TASP1: variants seen among roughly 807,000 people sequenced by gnomAD.
TASP1 encodes the protein taspase 1.
TASP1 carries 16 observed loss-of-function variants against 56.6 expected under a neutral mutation model. That is an observed-to-expected ratio of 0.28 (90% CI 0.19 to 0.43). The LOEUF is 0.43. Among genes scored for constraint, TASP1 ranks in the 20% least tolerant of loss-of-function variants. The pLI, the probability that TASP1 is intolerant of heterozygous loss-of-function variation, is 1.00. For synonymous variants in TASP1, 179 were observed against 184.2 expected (o/e 0.97, Z 0.23); for missense variants, 393 against 511.6 (o/e 0.77, Z 2.24).
chr20:13,187,945 A>G, the TASP1 span, among the ~76,000 whole-genome samples: 1 of 151,780 alleles, frequency 6.6e-6, no homozygotes, highest in Non-Finnish European at 1.5e-5. Flanking sequence ...GTATATACAT[A>G]TATATATATG....
the TASP1 span, among the ~76,000 whole-genome samples, chr20:13,211,099 A>G: frequency 6.1e-4 from 93 of 152,286 alleles, 1 homozygote; most frequent in East Asian, 0.016. Flanking sequence ...TTGAGATAAC[A>G]GAAGTACTGA....
At chr20:13,633,214 A>G (rs2049163279) in intron 1 of TASP1, among the ~76,000 whole-genome samples, 1 of 152,182 alleles carries the variant, frequency 6.6e-6, no homozygotes, top group East Asian at 1.9e-4. Context: ...TAAGTAAAAA[A>G]GGAATGGAAA....
intron 10 of TASP1, among the ~76,000 whole-genome samples, chr20:13,502,952 A>T (rs547028593): frequency 6.6e-6 from 1 of 152,248 alleles, no homozygotes; most frequent in Admixed American, 6.5e-5. Context: ...TCAGTGCCAA[A>T]AGAGATACCC....
intron 10 of TASP1, among the ~76,000 whole-genome samples, chr20:13,510,573 A>G (rs1339898509): frequency 6.6e-6 from 1 of 152,176 alleles, no homozygotes; most frequent in East Asian, 1.9e-4. Flanking sequence ...AAATTACATG[A>G]TTTTTTTAAC....
chr20:13,214,552 C>G, the TASP1 span, among the ~76,000 whole-genome samples: 5,411 of 101,078 alleles, frequency 0.054, 147 homozygotes, highest in African/African-American at 0.076. Context: ...CACACACACA[C>G]ACACACACAC....
chr20:13,281,167 C>A, the TASP1 span, among the ~76,000 whole-genome samples: 2 of 152,232 alleles, frequency 1.3e-5, no homozygotes, highest in Non-Finnish European at 2.9e-5. Flanking sequence ...GTGTCCAGCA[C>A]TATGCTGGGT....
At chr20:13,431,519 T>C (rs367799562) in intron 12 of TASP1, among the ~76,000 whole-genome samples, 117 of 152,240 alleles carry the variant, frequency 7.7e-4, no homozygotes, top group Middle Eastern at 6.8e-3. Context: ...CAATCCCTGA[T>C]CAAACTATAG....
intron 2 of TASP1, among the ~76,000 whole-genome samples, chr20:13,626,587 G>A (rs963661838): frequency 4.6e-5 from 7 of 152,120 alleles, no homozygotes; most frequent in East Asian, 1.9e-4. Context: ...CGAAACTGTC[G>A]TACAAGGAGC....
At chr20:13,513,556 AACATGC>A (rs1199487640) in intron 10 of TASP1, among the ~76,000 whole-genome samples, 1 of 152,132 alleles carries the variant, frequency 6.6e-6, no homozygotes, top group Non-Finnish European at 1.5e-5. Flanking sequence ...CAAAAAGAGA[AACATGC>A]ACTCCTCAAG....
chr20:13,588,317 A>AGGG (rs1568618436), intron 4 of TASP1, among the ~76,000 whole-genome samples: 2 of 113,718 alleles, frequency 1.8e-5, no homozygotes, highest in African/African-American at 5.9e-5. Flanking sequence ...AAGAGAAAGA[A>AGGG]AAGGAAGGAA....
At chr20:13,373,029 A>G in the TASP1 span, among the ~76,000 whole-genome samples, 1 of 152,096 alleles carries the variant, frequency 6.6e-6, no homozygotes, top group African/African-American at 2.4e-5. Flanking sequence ...TTGTCTATTA[A>G]AGAGAGATAA....
At chr20:13,359,409 A>T in the TASP1 span, among the ~76,000 whole-genome samples, 2 of 151,544 alleles carry the variant, frequency 1.3e-5, no homozygotes, top group African/African-American at 4.9e-5. Flanking sequence ...TCCTTCCCAG[A>T]TCTTCTCGGC....
chr20:13,471,551 A>G (rs1002130081), intron 11 of TASP1, among the ~76,000 whole-genome samples: 3 of 152,160 alleles, frequency 2.0e-5, no homozygotes, highest in African/African-American at 7.2e-5. Context: ...ATTCTCTTTG[A>G]GAGTCTTTAG....
chr20:13,302,295 T>G, the TASP1 span, among the ~76,000 whole-genome samples: 1 of 152,232 alleles, frequency 6.6e-6, no homozygotes, highest in African/African-American at 2.4e-5. Context: ...GCTCCAGGAC[T>G]CTGCCTACTG....
intron 13 of TASP1, among the ~76,000 whole-genome samples, chr20:13,391,406 T>C (rs1313997356): frequency 6.6e-6 from 1 of 152,132 alleles, no homozygotes; most frequent in Non-Finnish European, 1.5e-5. Flanking sequence ...AATCCAAGGA[T>C]AGATAAATGT....
intron 10 of TASP1, among the ~76,000 whole-genome samples, chr20:13,500,765 A>G (rs1942900676): frequency 1.3e-5 from 2 of 152,094 alleles, no homozygotes; most frequent in Admixed American, 1.3e-4. Flanking sequence ...GTGGTATCCA[A>G]TGTCTGTAGA....
chr20:13,436,513 A>G (rs186096598), intron 11 of TASP1, among the ~76,000 whole-genome samples: 2 of 152,196 alleles, frequency 1.3e-5, no homozygotes, highest in East Asian at 3.9e-4. Context: ...CTTTCCAAAA[A>G]GGAAGTGACT....
At chr20:13,187,707 C>T in the TASP1 span, among the ~76,000 whole-genome samples, 1 of 134,558 alleles carries the variant, frequency 7.4e-6, no homozygotes, top group African/African-American at 2.9e-5. Flanking sequence ...GCACTCCAGC[C>T]TGGCGACAGA....
At chr20:13,548,460 A>G (rs1324995206) in intron 8 of TASP1, among the ~76,000 whole-genome samples, 1 of 152,134 alleles carries the variant, frequency 6.6e-6, no homozygotes, top group East Asian at 1.9e-4. Flanking sequence ...GAAATGGAAA[A>G]ATACATATAG....
Sources: allele counts gnomAD v4.1 joint callset (sites outside exome capture counted in the v4.1 genomes callset), GRCh38; gene constraint gnomAD v4.1.1; transcripts MANE v1.5; gene names NCBI Gene and HGNC (gene_info 2026-07-23, HGNC 2026-07-21).